The following RTL4 variants were observed in gnomAD, a reference collection of about 807,000 sequenced individuals.
The protein encoded by RTL4 is retrotransposon Gag like 4, also known as retrotransposon Gag-like protein 4.
RTL4 carries 4 observed loss-of-function variants against 5.3 expected under a neutral mutation model. That is an observed-to-expected ratio of 0.75 (90% CI 0.37 to 1.72). The LOEUF is 1.72. RTL4 is among the 40% of genes most tolerant of loss of function. The probability of loss-of-function intolerance (pLI) is 0.04; values close to 1 mark genes in which losing one functional copy is unlikely to be tolerated. For synonymous variants in RTL4, 98 were observed against 87.3 expected (o/e 1.12, Z -0.68); for missense variants, 260 against 227.1 (o/e 1.14, Z -0.93).
At chrX:112,264,556 G>T in the RTL4 span, among the ~76,000 whole-genome samples, 1 of 112,397 alleles carries the variant, frequency 8.9e-6, no homozygotes, top group Non-Finnish European at 1.9e-5. Flanking sequence ...GTATGTGTTT[G>T]TGTGTATATG....
chrX:112,205,244 C>T, the RTL4 span, among the ~76,000 whole-genome samples: 1 of 110,869 alleles, frequency 9.0e-6, no homozygotes, highest in African/African-American at 3.3e-5. Flanking sequence ...AGCTCTGAGG[C>T]TCTTTGGCAA....
the RTL4 span, among the ~76,000 whole-genome samples, chrX:112,277,506 G>A: frequency 2.7e-5 from 3 of 111,907 alleles, no homozygotes; most frequent in African/African-American, 9.7e-5. Context: ...AACTGAATTA[G>A]CAAACCTAAG....
At chrX:112,389,941 G>T in the RTL4 span, among the ~76,000 whole-genome samples, 1 of 101,636 alleles carries the variant, frequency 9.8e-6, no homozygotes. Context: ...TTGAGATCAG[G>T]TGCTGAATAT....
the RTL4 span, among the ~76,000 whole-genome samples, chrX:112,175,695 A>G: frequency 1.8e-5 from 2 of 110,944 alleles, no homozygotes; most frequent in Non-Finnish European, 3.8e-5. Flanking sequence ...CATGCTAAAA[A>G]CTCTCAATAA....
chrX:112,118,144 G>A, the RTL4 span, among the ~76,000 whole-genome samples: 1 of 112,125 alleles, frequency 8.9e-6, no homozygotes, highest in Non-Finnish European at 1.9e-5. Context: ...AAACTTAGCA[G>A]TTTAAAACAA....
At chrX:112,122,675 C>T in the RTL4 span, among the ~76,000 whole-genome samples, 3 of 109,852 alleles carry the variant, frequency 2.7e-5, no homozygotes, top group Non-Finnish European at 1.9e-5. Context: ...GATATGCAAG[C>T]CAGAAGAGTA....
the RTL4 span, among the ~76,000 whole-genome samples, chrX:112,204,338 A>C: frequency 8.9e-6 from 1 of 112,131 alleles, no homozygotes; most frequent in Non-Finnish European, 1.9e-5. Flanking sequence ...AAAAAAGGAA[A>C]CCAGTGTATC....
chrX:112,370,823 G>A, the RTL4 span, among the ~76,000 whole-genome samples: 1 of 110,901 alleles, frequency 9.0e-6, no homozygotes, highest in African/African-American at 3.3e-5. Flanking sequence ...TGGGGTATAG[G>A]CAGAGTTTAG....
the RTL4 span, among the ~76,000 whole-genome samples, chrX:112,321,402 G>A: frequency 9.1e-6 from 1 of 109,508 alleles, no homozygotes; most frequent in East Asian, 2.9e-4. Context: ...TGGGTGTGGT[G>A]GCGCGTGCCT....
chrX:112,244,168 T>C, the RTL4 span, among the ~76,000 whole-genome samples: 1 of 112,125 alleles, frequency 8.9e-6, no homozygotes, highest in African/African-American at 3.2e-5. Context: ...AGAATGTATA[T>C]TCTGTTGATT....
At chrX:112,261,274 A>G in the RTL4 span, among the ~76,000 whole-genome samples, 1 of 111,630 alleles carries the variant, frequency 9.0e-6, no homozygotes, top group African/African-American at 3.3e-5. Context: ...AGAAGACATG[A>G]TTGTATATTT....
the RTL4 span, among the ~76,000 whole-genome samples, chrX:112,334,916 G>C: frequency 1.8e-4 from 20 of 111,337 alleles, no homozygotes; most frequent in African/African-American, 5.5e-4. Flanking sequence ...TAACAATGTT[G>C]GTTGGATTAA....
chrX:112,177,053 GT>G, the RTL4 span, among the ~76,000 whole-genome samples: 421 of 103,296 alleles, frequency 4.1e-3, 3 homozygotes, highest in African/African-American at 0.013. Flanking sequence ...TATGGTGTTG[GT>G]TTTTTTTTTT....
chrX:112,221,247 AACTC>A, the RTL4 span, among the ~76,000 whole-genome samples: 1 of 111,488 alleles, frequency 9.0e-6, no homozygotes. Flanking sequence ...ATCTTGTGAG[AACTC>A]ACTCACTATC....
the RTL4 span, among the ~76,000 whole-genome samples, chrX:112,283,248 A>G: frequency 3.6e-5 from 4 of 112,056 alleles, no homozygotes; most frequent in African/African-American, 9.7e-5. Context: ...TCAAATATCT[A>G]TGCTGCCACT....
chrX:112,325,334 C>A, the RTL4 span, among the ~76,000 whole-genome samples: 19 of 111,818 alleles, frequency 1.7e-4, no homozygotes, highest in Admixed American at 1.4e-3. Flanking sequence ...AAAGAGCCCA[C>A]ATTGCCAAGT....
chrX:112,424,818 CAG>C, the RTL4 span, among the ~76,000 whole-genome samples: 1 of 110,301 alleles, frequency 9.1e-6, no homozygotes, highest in Non-Finnish European at 1.9e-5. Context: ...GCAGAAAGTA[CAG>C]AGAGTTCTCA....
chrX:112,313,476 G>A, the RTL4 span, among the ~76,000 whole-genome samples: 1 of 111,035 alleles, frequency 9.0e-6, no homozygotes, highest in Non-Finnish European at 1.9e-5. Flanking sequence ...CTGCAGGTGA[G>A]GAAACTGAGA....
chrX:112,358,753 A>T, the RTL4 span, among the ~76,000 whole-genome samples: 5 of 111,719 alleles, frequency 4.5e-5, no homozygotes, highest in Non-Finnish European at 9.4e-5. Context: ...ATTTAGGGAA[A>T]GACAAAGCAT....
Sources: allele counts gnomAD v4.1 joint callset (sites outside exome capture counted in the v4.1 genomes callset), GRCh38; gene constraint gnomAD v4.1.1; transcripts MANE v1.5; gene names NCBI Gene and HGNC (gene_info 2026-07-23, HGNC 2026-07-21).